The following RNF212B variants were observed in gnomAD, a reference collection of about 807,000 sequenced individuals.
The protein encoded by RNF212B is E3 ubiquitin-protein ligase RNF212B.
RNF212B carries 52 observed loss-of-function variants against 55.5 expected under a neutral mutation model. The ratio of observed to expected loss-of-function variants is 0.94; its 90% CI spans 0.75 to 1.18. The LOEUF is 1.18. Among genes scored for constraint, RNF212B ranks in the 50% most tolerant of loss-of-function variants. The pLI is 0.00. For missense variants in RNF212B, 289 were observed against 350.4 expected (o/e 0.82, Z 1.40); for synonymous variants, 99 against 121.4 (o/e 0.82, Z 1.21).
At chr14:23,251,706 C>T (rs1476257027) in intron 4 of RNF212B, among the ~76,000 whole-genome samples, 4 of 151,728 alleles carry the variant, frequency 2.6e-5, no homozygotes, top group South Asian at 2.1e-4. Context: ...ATCCCAGCTA[C>T]TCTGGAGGCT....
intron 4 of RNF212B, among the ~76,000 whole-genome samples, chr14:23,258,209 A>G (rs1884992000): frequency 6.6e-6 from 1 of 152,052 alleles, no homozygotes; most frequent in South Asian, 2.1e-4. Context: ...GTGGTAGCAC[A>G]TGCCTGTAAA....
chr14:23,207,774 A>G (rs1024017364), intron 2 of RNF212B, among the ~76,000 whole-genome samples: 1 of 152,238 alleles, frequency 6.6e-6, no homozygotes, highest in Non-Finnish European at 1.5e-5. Flanking sequence ...AGCCTCAGGA[A>G]GTCCTGACAA....
At position 23,250,443 on chromosome 14, in the gene RNF212B, AC is replaced by A. The variant is rs375323219; in HGVS notation, c.228+6048del. On this transcript the variant is annotated intron_variant, in intron 4 of 14. Transcript: ENST00000430154. ...GGTTGCAGTGAGCCTAGAATGTGCC[AC>A]TGCACTCCAGCCTGGGTGACAGAGC... 6.4e-3 allele frequency among the ~76,000 whole-genome samples: 951 copies of A among 149,688 alleles called. 12 individuals are homozygous for A. The highest frequency in any genetic ancestry group is 0.022 in the African/African-American group (897 of 40,488).
At chr14:23,234,098 G>A (rs993006943), upstream of RNF212B, among the ~76,000 whole-genome samples, 1 of 151,836 alleles carries the variant, frequency 6.6e-6, no homozygotes, top group Admixed American at 6.6e-5. Context: ...GTGTACGAAG[G>A]AACACTCAAA....
intron 2 of RNF212B, among the ~76,000 whole-genome samples, chr14:23,198,029 A>G (rs1355948186): frequency 1.3e-5 from 2 of 152,316 alleles, no homozygotes; most frequent in East Asian, 1.9e-4. Context: ...ACAAATCACA[A>G]TGGTGGAATG....
chr14:23,253,223 T>C (rs532525706), intron 4 of RNF212B, among the ~76,000 whole-genome samples: 1 of 152,218 alleles, frequency 6.6e-6, no homozygotes, highest in African/African-American at 2.4e-5. Flanking sequence ...TATTATCAAA[T>C]TATCAGTCCC....
intron 2 of RNF212B, among the ~76,000 whole-genome samples, chr14:23,226,447 G>A (rs941234881): frequency 6.6e-6 from 1 of 151,630 alleles, no homozygotes; most frequent in African/African-American, 2.4e-5. Flanking sequence ...TGGCTAACAC[G>A]GTGGAACCCC....
At chr14:23,233,725 G>C (rs1038020337), upstream of RNF212B, among the ~76,000 whole-genome samples, 63 of 134,964 alleles carry the variant, frequency 4.7e-4, no homozygotes, top group African/African-American at 1.7e-3. Context: ...CTGGGCAACA[G>C]AGTGAGACCC....
intron 2 of RNF212B, among the ~76,000 whole-genome samples, chr14:23,230,653 C>CAAAA (rs60122483): frequency 2.8e-4 from 21 of 73,996 alleles, no homozygotes; most frequent in East Asian, 9.2e-4. Context: ...GACTCCATCT[C>CAAAA]AAAAAAAAAA....
intron 4 of RNF212B, among the ~76,000 whole-genome samples, chr14:23,249,170 C>T (rs1765728515): frequency 6.6e-6 from 1 of 152,194 alleles, no homozygotes; most frequent in Non-Finnish European, 1.5e-5. Context: ...ATAATTGCTA[C>T]ATATACTGTT....
intron 2 of RNF212B, among the ~76,000 whole-genome samples, chr14:23,202,368 T>C (rs1466688392): frequency 6.6e-6 from 1 of 152,200 alleles, no homozygotes; most frequent in Non-Finnish European, 1.5e-5. Flanking sequence ...GATTAATTTA[T>C]AGAGAAACTA....
chr14:23,239,995 C>G (rs1883442324), intron 1 of RNF212B, among the ~76,000 whole-genome samples: 1 of 146,108 alleles, frequency 6.8e-6, no homozygotes, highest in South Asian at 2.2e-4. Context: ...TAAAGGAAAA[C>G]ACACACACAC....
rs1241801584 is a variant in RNF212B at position 23,186,148 on chromosome 14, T to A, written c.-79+658T>A. Among the ~76,000 whole-genome samples, 5 of 147,182 alleles carry A rather than the reference T, an allele frequency of 3.4e-5. No individual in the cohort carries two copies. The East Asian group carries it at 8.4e-4, about 25-fold the overall frequency. On this transcript the variant is annotated intron_variant, in intron 1 of 15. Transcript: ENST00000399910. Reference sequence around the variant, plus strand: ...CAAACAAACAAAGCTAGGAAAGGAATCTCCCCACTTTCAAAGGGAGCATTA... The same window carrying A: ...CAAACAAACAAAGCTAGGAAAGGAAACTCCCCACTTTCAAAGGGAGCATTA...
intron 2 of RNF212B, among the ~76,000 whole-genome samples, chr14:23,203,708 C>CAGGT (rs1379783592): frequency 2.0e-5 from 3 of 152,076 alleles, no homozygotes; most frequent in African/African-American, 7.2e-5. Flanking sequence ...GAACTCCTGA[C>CAGGT]CTCATGTGAT....
chr14:23,223,685 A>G (rs966371777), intron 2 of RNF212B, among the ~76,000 whole-genome samples: 6 of 152,284 alleles, frequency 3.9e-5, no homozygotes, highest in Admixed American at 2.0e-4. Flanking sequence ...GGAATGTGAT[A>G]AGAATGCCCA....
chr14:23,273,323 CTTA>C lies in RNF212B; in HGVS notation c.*437_*439del, dbSNP rs1011324223. ...AACGAGCAATATCTCTGTTCTTTTCCTTATTATACTTTTTTATTTGTCTATTAT... is the reference window on the plus strand; with the variant it reads ...AACGAGCAATATCTCTGTTCTTTTCCTTATACTTTTTTATTTGTCTATTAT... On this transcript the variant is annotated 3_prime_UTR_variant, in exon 15 of 15. Transcript: ENST00000430154. The C allele has an allele frequency of 3.9e-5, 6 of 153,310 alleles. No individual in the cohort carries two copies. The highest frequency in any genetic ancestry group is 1.4e-4 in the African/African-American group (6 of 41,556). 9.5% of individuals were successfully genotyped at this position (153,310 alleles called of 1,614,324 possible).
At chr14:23,241,718 T>G (rs933675432) in intron 2 of RNF212B, among the ~76,000 whole-genome samples, 1 of 151,858 alleles carries the variant, frequency 6.6e-6, no homozygotes, top group Non-Finnish European at 1.5e-5. Flanking sequence ...GCCATTTTTT[T>G]GTTTTGTTTT....
At chr14:23,271,126 G>A (rs1381975543) in intron 14 of RNF212B, among the ~76,000 whole-genome samples, 1 of 152,114 alleles carries the variant, frequency 6.6e-6, no homozygotes, top group Non-Finnish European at 1.5e-5. Flanking sequence ...AACAAGGAGA[G>A]GTTTGTAAAG....
At chr14:23,189,693 C>T (rs996603002) in intron 1 of RNF212B, among the ~76,000 whole-genome samples, 1 of 151,902 alleles carries the variant, frequency 6.6e-6, no homozygotes. Context: ...CCTGTAGCAC[C>T]AGCAACTCAG....
Sources: allele counts gnomAD v4.1 joint callset (sites outside exome capture counted in the v4.1 genomes callset), GRCh38; gene constraint gnomAD v4.1.1; transcripts MANE v1.5; gene names NCBI Gene and HGNC (gene_info 2026-07-23, HGNC 2026-07-21).